Variants in FBLN7 observed in about 807,000 individuals in gnomAD.
FBLN7 encodes the protein fibulin-7.
A neutral mutation model predicts 44.0 loss-of-function variants in FBLN7; 31 were observed. That is an observed-to-expected ratio of 0.70 (90% CI 0.53 to 0.95). The LOEUF is 0.95. Ranked by LOEUF, FBLN7 falls within the 40% of genes least tolerant of loss-of-function variation. The probability of loss-of-function intolerance (pLI) is 0.00; values close to 1 mark genes in which losing one functional copy is unlikely to be tolerated. For missense variants in FBLN7, 573 were observed against 618.5 expected, an observed-to-expected ratio of 0.93 and a Z score of 0.78; for synonymous variants, 262 against 253.4, an observed-to-expected ratio of 1.03 and a Z score of -0.32.
the FBLN7 span, among the ~76,000 whole-genome samples, chr2:112,196,027 G>A: frequency 6.6e-6 from 1 of 152,174 alleles, no homozygotes; most frequent in South Asian, 2.1e-4. Flanking sequence ...ACAGATGCTG[G>A]GACCCCCAGA....
chr2:112,240,157 T>C, the FBLN7 span, among the ~76,000 whole-genome samples: 1 of 152,228 alleles, frequency 6.6e-6, no homozygotes, highest in Non-Finnish European at 1.5e-5. Context: ...CTTGTAAATG[T>C]AACTTCTGGA....
At chr2:112,244,052 A>G in the FBLN7 span, among the ~76,000 whole-genome samples, 4 of 138,004 alleles carry the variant, frequency 2.9e-5, no homozygotes, top group African/African-American at 1.1e-4. Flanking sequence ...TATGTCTCAT[A>G]TAAAAGGATA....
chr2:112,188,368 T>A (rs1259178126), downstream of FBLN7: 1 of 152,180 alleles, frequency 6.6e-6, no homozygotes, highest in East Asian at 1.9e-4. Context: ...TAAATTTGTT[T>A]TGACCACATG....
the FBLN7 span, chr2:112,212,965 CTTTTTTTT>C: frequency 1.2e-5 from 1 of 84,918 alleles, no homozygotes; most frequent in African/African-American, 4.7e-5. Flanking sequence ...AGAAGAAATG[CTTTTTTTT>C]TTTTTTTTTT....
At chr2:112,210,540 C>A in the FBLN7 span, among the ~76,000 whole-genome samples, 2 of 151,340 alleles carry the variant, frequency 1.3e-5, no homozygotes, top group Non-Finnish European at 2.9e-5. Context: ...CCTATAATCC[C>A]AGCTACTCAG....
At position 112,180,763 on chromosome 2, in the gene FBLN7, A is replaced by G. The variant is rs143161363; in HGVS notation, c.533-976A>G. Among the ~76,000 whole-genome samples, 1,251 of 152,116 alleles carry G rather than the reference A, an allele frequency of 8.2e-3. 7 individuals are homozygous for G. Among genetic ancestry groups the G allele is most frequent in the Non-Finnish European group, 0.012 (793 of 67,986 alleles). ...GTGAAACCCCGTCTCTACTAAAAAA[A>G]TACAAAAAAATTTGCCCGGTGTGGT... On this transcript the variant is annotated intron_variant, in intron 4 of 7. Coordinates refer to ENST00000331203, the MANE Select transcript of FBLN7 (RefSeq NM_153214.3).
chr2:112,165,531 C>T (rs995893828), intron 3 of FBLN7, among the ~76,000 whole-genome samples: 3 of 152,194 alleles, frequency 2.0e-5, no homozygotes, highest in Non-Finnish European at 2.9e-5. Context: ...CTTCACACCA[C>T]TCTCTGCTCT....
At chr2:112,216,423 T>G in the FBLN7 span, 3 of 152,244 alleles carry the variant, frequency 2.0e-5, no homozygotes, top group Non-Finnish European at 4.4e-5. Context: ...TGAACAGTCT[T>G]GAACACGCAT....
At chr2:112,155,310 A>G (rs2104553827) in intron 1 of FBLN7, among the ~76,000 whole-genome samples, 1 of 152,248 alleles carries the variant, frequency 6.6e-6, no homozygotes. Flanking sequence ...CTGTGCCTAT[A>G]CCAACTCAGG....
intron 7 of FBLN7, 56 bp downstream of exon 7, chr2:112,185,395 T>C: frequency 8.8e-6 from 14 of 1,585,718 alleles, no homozygotes; most frequent in Non-Finnish European, 1.2e-5. Context: ...GTGGCTGGGC[T>C]GGATGCTTCC....
At chr2:112,141,404 G>A (rs560317574) in intron 1 of FBLN7, among the ~76,000 whole-genome samples, 1 of 152,216 alleles carries the variant, frequency 6.6e-6, no homozygotes, top group Non-Finnish European at 1.5e-5. Flanking sequence ...GGCCAGGCAG[G>A]CATGCCCATG....
At chr2:112,181,645 G>C in intron 4 of FBLN7, 94 bp from the exon 5 acceptor site, 1 of 1,310,520 alleles carries the variant, frequency 7.6e-7, no homozygotes, top group South Asian at 2.0e-5. Flanking sequence ...AAGGGGCCGT[G>C]CCTCCGTCTT....
chr2:112,179,893 G>A (rs13394408), intron 4 of FBLN7, among the ~76,000 whole-genome samples: 20,368 of 152,214 alleles, frequency 0.13, 1,594 homozygotes, highest in East Asian at 0.34. Flanking sequence ...AACCCTGGAA[G>A]ACAACGTAGG....
chr2:112,233,334 T>C, the FBLN7 span: 1 of 1,597,734 alleles, frequency 6.3e-7, no homozygotes, highest in Non-Finnish European at 8.5e-7. Context: ...CTTTTTCTTT[T>C]CTATCTCTGC....
downstream of FBLN7, chr2:112,188,472 C>T (rs1324717578): frequency 6.6e-6 from 1 of 152,212 alleles, no homozygotes; most frequent in African/African-American, 2.4e-5. Flanking sequence ...GATGAATTCA[C>T]TACAGGGTGA....
chr2:112,172,633 T>C (rs1434156752), intron 3 of FBLN7, among the ~76,000 whole-genome samples: 1 of 134,264 alleles, frequency 7.4e-6, no homozygotes, highest in Non-Finnish European at 1.6e-5. Flanking sequence ...CTTTCTTTTT[T>C]TTTTTTTTTT....
the FBLN7 span, among the ~76,000 whole-genome samples, chr2:112,198,979 C>T: frequency 6.6e-6 from 1 of 152,166 alleles, no homozygotes; most frequent in Non-Finnish European, 1.5e-5. Context: ...CTTCAGGTGA[C>T]ATTACAGAGC....
the FBLN7 span, among the ~76,000 whole-genome samples, chr2:112,196,614 A>G: frequency 6.6e-6 from 1 of 152,010 alleles, no homozygotes; most frequent in Non-Finnish European, 1.5e-5. Context: ...GGCCTGTATC[A>G]AAGGTTAGAA....
the FBLN7 span, among the ~76,000 whole-genome samples, chr2:112,241,023 G>A: frequency 6.6e-6 from 1 of 151,432 alleles, no homozygotes; most frequent in Non-Finnish European, 1.5e-5. Flanking sequence ...GTGTGTGTGT[G>A]TGTGTGTATG....
Sources: allele counts gnomAD v4.1 joint callset (sites outside exome capture counted in the v4.1 genomes callset), GRCh38; gene constraint gnomAD v4.1.1; transcripts MANE v1.5; gene names NCBI Gene and HGNC (gene_info 2026-07-23, HGNC 2026-07-21).